The following ROBO1 variants were observed in gnomAD, a reference collection of about 807,000 sequenced individuals.
The protein encoded by ROBO1 is roundabout guidance receptor 1, also known as roundabout homolog 1.
A neutral mutation model predicts 195.9 loss-of-function variants in ROBO1; 149 were observed. That is an observed-to-expected ratio of 0.76 (90% CI 0.67 to 0.87). The LOEUF (loss-of-function observed/expected upper bound fraction) is 0.87. ROBO1 is among the 40% of genes least tolerant of loss of function. The probability of loss-of-function intolerance (pLI) is 0.00; values close to 1 mark genes in which losing one functional copy is unlikely to be tolerated. For synonymous variants in ROBO1, 816 were observed against 733.2 expected (o/e 1.11, Z -1.82); for missense variants, 1,933 against 2,068.3 (o/e 0.93, Z 1.27).
At chr3:79,402,772 A>C (rs777203850) in intron 2 of ROBO1, among the ~76,000 whole-genome samples, 1 of 151,966 alleles carries the variant, frequency 6.6e-6, no homozygotes, top group East Asian at 1.9e-4. Flanking sequence ...TTTGAAACAC[A>C]TTGGAAACTT....
At chr3:79,077,366 A>G (rs2079192332) in intron 3 of ROBO1, among the ~76,000 whole-genome samples, 1 of 151,932 alleles carries the variant, frequency 6.6e-6, no homozygotes, top group African/African-American at 2.4e-5. Context: ...TGATGCATAT[A>G]GTTAAAACAA....
chr3:79,481,370 T>A (rs1175289129), intron 2 of ROBO1, among the ~76,000 whole-genome samples: 1 of 152,018 alleles, frequency 6.6e-6, no homozygotes, highest in Non-Finnish European at 1.5e-5. Flanking sequence ...AAAATAAAAA[T>A]AAAAAATAAA....
At chr3:79,322,436 G>C (rs1471414251) in intron 2 of ROBO1, among the ~76,000 whole-genome samples, 1 of 152,128 alleles carries the variant, frequency 6.6e-6, no homozygotes, top group Non-Finnish European at 1.5e-5. Context: ...ATGGCATCAA[G>C]AATGAAAAGA....
intron 2 of ROBO1, among the ~76,000 whole-genome samples, chr3:79,227,013 C>T (rs2082238487): frequency 6.6e-6 from 1 of 152,160 alleles, no homozygotes. Context: ...CTAAACATAC[C>T]TTCTCAACGT....
chr3:78,996,910 C>G (rs2077380834), intron 3 of ROBO1, among the ~76,000 whole-genome samples: 1 of 152,148 alleles, frequency 6.6e-6, no homozygotes, highest in African/African-American at 2.4e-5. Flanking sequence ...TAACCTACCT[C>G]AATGTTGTTC....
intron 4 of ROBO1, among the ~76,000 whole-genome samples, chr3:78,853,562 C>G (rs945211632): frequency 1.3e-5 from 2 of 151,680 alleles, no homozygotes; most frequent in Admixed American, 1.3e-4. Context: ...TTTGTTCAAA[C>G]AGCAGTCTAG....
chr3:78,981,822 C>A (rs1215323580), intron 3 of ROBO1, among the ~76,000 whole-genome samples: 3 of 151,634 alleles, frequency 2.0e-5, no homozygotes, highest in African/African-American at 7.3e-5. Flanking sequence ...CACACACACA[C>A]ACAAAAACAC....
chr3:79,716,611 A>T (rs916510607), intron 1 of ROBO1, among the ~76,000 whole-genome samples: 6 of 152,122 alleles, frequency 3.9e-5, no homozygotes, highest in South Asian at 2.1e-4. Context: ...TTAGAAAAAA[A>T]ATAATCATTC....
chr3:78,968,720 T>C (rs1330689072), intron 3 of ROBO1, among the ~76,000 whole-genome samples: 2 of 152,116 alleles, frequency 1.3e-5, no homozygotes, highest in Non-Finnish European at 2.9e-5. Flanking sequence ...TCAATAACAA[T>C]ACAAATAAGA....
At chr3:79,197,947 A>G (rs1302241844) in intron 2 of ROBO1, among the ~76,000 whole-genome samples, 1 of 151,774 alleles carries the variant, frequency 6.6e-6, no homozygotes, top group Non-Finnish European at 1.5e-5. Flanking sequence ...GCCCTTTGTC[A>G]GATGGGTAGA....
At position 78,839,096 on chromosome 3, in the gene ROBO1, G is replaced by C. The variant is rs146742061; in HGVS notation, c.500-92196C>G. Among the ~76,000 whole-genome samples the C allele has an allele frequency of 1.9e-3, 292 of 152,182 alleles. 1 individual carries two copies. The highest frequency in any genetic ancestry group is 3.7e-3 in the Non-Finnish European group (249 of 68,018). On this transcript the variant is annotated intron_variant, in intron 4 of 30. Coordinates refer to ENST00000464233, the MANE Select transcript of ROBO1 (RefSeq NM_002941.4). ...CCCTTAGTTGAGAATTCTTGCCCAA[G>C]GCATATTGATCTGAGATGCTGAATT...
chr3:78,683,789 G>C (rs1014209678), intron 10 of ROBO1, among the ~76,000 whole-genome samples: 1 of 151,480 alleles, frequency 6.6e-6, no homozygotes, highest in Non-Finnish European at 1.5e-5. Flanking sequence ...ACTCAAGGTA[G>C]ATAAAAAAAA....
intron 2 of ROBO1, among the ~76,000 whole-genome samples, chr3:79,530,800 CACACAT>C (rs1375733110): frequency 6.5e-4 from 91 of 139,068 alleles, no homozygotes; most frequent in African/African-American, 2.5e-3. Flanking sequence ...CACACACACA[CACACAT>C]CCTTCCCTGG....
intron 3 of ROBO1, among the ~76,000 whole-genome samples, chr3:78,951,274 T>C (rs562510603): frequency 6.6e-6 from 1 of 151,784 alleles, no homozygotes; most frequent in African/African-American, 2.4e-5. Flanking sequence ...TTTATAATAT[T>C]ATATATTTAC....
At chr3:79,051,499 T>C (rs927800215) in intron 3 of ROBO1, among the ~76,000 whole-genome samples, 2 of 152,174 alleles carry the variant, frequency 1.3e-5, no homozygotes, top group African/African-American at 2.4e-5. Flanking sequence ...CTGGTACCAT[T>C]CCTTCTGAAA....
intron 2 of ROBO1, among the ~76,000 whole-genome samples, chr3:79,510,656 G>A (rs1166596939): frequency 6.6e-6 from 1 of 150,744 alleles, no homozygotes; most frequent in East Asian, 2.0e-4. Flanking sequence ...TTTATCCTAG[G>A]GAAAAATTAT....
At chr3:79,738,640 T>C (rs1484014434) in intron 1 of ROBO1, among the ~76,000 whole-genome samples, 1 of 152,180 alleles carries the variant, frequency 6.6e-6, no homozygotes, top group Non-Finnish European at 1.5e-5. Context: ...TTCAATAATT[T>C]ATATTATGCT....
In ROBO1 at chr3:78,670,051, C is replaced by T. The variant is rs759648097; in HGVS notation, c.1548+45G>A. On this transcript the variant is annotated intron_variant, in intron 11 of 30. Transcript: ENST00000464233. Reference sequence around the variant, plus strand: ...CAATGCCAGTTGTTGGAGGCAGAAACAAAGTGAAACAAAACAAGAAACGCA... The same window carrying T: ...CAATGCCAGTTGTTGGAGGCAGAAATAAAGTGAAACAAAACAAGAAACGCA... The T allele has an allele frequency of 3.4e-6, 5 of 1,488,620 alleles. No homozygotes were observed. The African/African-American group carries it at 7.0e-5, about 21-fold the overall frequency. 92.2% of individuals were successfully genotyped at this position (1,488,620 alleles called of 1,614,324 possible).
rs138058757 is a variant in ROBO1 at position 79,611,214 on chromosome 3, C to T, written c.-50-21253G>A. On this transcript the variant is annotated intron_variant, in intron 1 of 30. Coordinates refer to ENST00000464233, the MANE Select transcript of ROBO1 (RefSeq NM_002941.4). ...CATCTTTTAATAGAAAAAAATTCCACGGTTCTTCAGTATGACCATAAAGTA... is the reference window on the plus strand; with the variant it reads ...CATCTTTTAATAGAAAAAAATTCCATGGTTCTTCAGTATGACCATAAAGTA... Among the ~76,000 whole-genome samples the T allele has an allele frequency of 4.0e-3, 603 of 152,030 alleles. 5 individuals are homozygous for T. The highest frequency in any genetic ancestry group is 0.014 in the African/African-American group (572 of 41,478).
Sources: gnomAD v4.1 joint callset for allele counts (sites outside exome capture counted in the v4.1 genomes callset) on GRCh38, gnomAD v4.1.1 for gene constraint, MANE v1.5 for transcripts, NCBI Gene and HGNC (gene_info 2026-07-23, HGNC 2026-07-21) for gene names.